BICD1: variants seen among roughly 807,000 people sequenced by gnomAD.
The protein encoded by BICD1 is BICD cargo adaptor 1, also known as protein bicaudal D homolog 1.
Under a neutral mutation model 92.5 loss-of-function variants are expected in BICD1, and 35 were observed. The ratio of observed to expected loss-of-function variants is 0.38; its 90% CI spans 0.29 to 0.50. BICD1 has a LOEUF of 0.50. Among genes scored for constraint, BICD1 ranks in the 20% least tolerant of loss-of-function variants. BICD1 has a pLI of 0.93. For missense variants in BICD1, 950 were observed against 1,189.8 expected, an observed-to-expected ratio of 0.80 and a Z score of 2.97; for synonymous variants, 429 against 465.1, an observed-to-expected ratio of 0.92 and a Z score of 1.00.
intron 4 of BICD1, among the ~76,000 whole-genome samples, chr12:32,316,480 T>C (rs1017649168): frequency 8.6e-5 from 13 of 151,772 alleles, no homozygotes; most frequent in African/African-American, 3.1e-4. Flanking sequence ...TTTTATTTTT[T>C]AGTAGAGACG....
intron 7 of BICD1, 115 bp from the exon 8 acceptor site, chr12:32,338,671 T>A: frequency 7.0e-6 from 6 of 853,354 alleles, no homozygotes; most frequent in South Asian, 1.9e-5. Flanking sequence ...TTGATTTACA[T>A]ATTTAAAAAA....
At chr12:32,178,594 G>A (rs1017541223) in intron 1 of BICD1, among the ~76,000 whole-genome samples, 1 of 151,994 alleles carries the variant, frequency 6.6e-6, no homozygotes, top group South Asian at 2.1e-4. Context: ...GTGATTTACA[G>A]CACTAAGCTC....
chr12:32,193,638 A>G (rs1944637979), intron 1 of BICD1, among the ~76,000 whole-genome samples: 1 of 152,206 alleles, frequency 6.6e-6, no homozygotes. Context: ...GAAACATACA[A>G]CCTACAAAGA....
chr12:32,156,027 T>G (rs1206661715), intron 1 of BICD1, among the ~76,000 whole-genome samples: 6 of 152,118 alleles, frequency 3.9e-5, no homozygotes, highest in Non-Finnish European at 8.8e-5. Context: ...TGGAGTGAGG[T>G]CTTGAAATAG....
chr12:32,157,679 G>C lies in BICD1; in HGVS notation c.213+50135G>C, dbSNP rs73295270. 3.8e-3 allele frequency among the ~76,000 whole-genome samples: 582 copies of C among 152,264 alleles called. 5 individuals are homozygous for C. The highest frequency in any genetic ancestry group is 0.012 in the African/African-American group (513 of 41,558). ...TGCCACCATTCCCTTCATCCTCTCA[G>C]CATGACAGCTGGTTTCCTACTTTTC... is the stretch of plus-strand genomic sequence containing the variant. On this transcript the variant is annotated intron_variant, in intron 1 of 9. Coordinates refer to ENST00000652176, the MANE Select transcript of BICD1 (RefSeq NM_001714.4).
chr12:32,193,972 T>C (rs900015769), intron 1 of BICD1, among the ~76,000 whole-genome samples: 2 of 152,134 alleles, frequency 1.3e-5, no homozygotes, highest in Non-Finnish European at 2.9e-5. Flanking sequence ...GCGAACCTAA[T>C]TCAACAGCAC....
rs80136083 is a variant in BICD1 at position 32,153,244 on chromosome 12, G to A, written c.213+45700G>A. The stretch of plus-strand genomic sequence containing the variant: ...GCATCTATGTTGCTGCAAAGGACAT[G>A]ATTTTGATTTTTTATGGCTGCATAG... On this transcript the variant is annotated intron_variant, in intron 1 of 9. Transcript: ENST00000652176. 9.9e-3 allele frequency among the ~76,000 whole-genome samples: 1,508 copies of A among 152,212 alleles called. 30 individuals are homozygous for A. The highest frequency in any genetic ancestry group is 0.034 in the African/African-American group (1,426 of 41,524).
intron 1 of BICD1, among the ~76,000 whole-genome samples, chr12:32,195,996 A>G (rs35186393): frequency 0.029 from 4,353 of 152,314 alleles, 75 homozygotes; most frequent in Non-Finnish European, 0.04. Context: ...TTGAATGGAC[A>G]TTTTTCCAAA....
intron 9 of BICD1, among the ~76,000 whole-genome samples, chr12:32,371,379 T>C (rs895212194): frequency 3.9e-5 from 6 of 152,198 alleles, no homozygotes; most frequent in South Asian, 2.1e-4. Context: ...AATGGGTCAA[T>C]GTTAATACCT....
chr12:32,284,568 G>A (rs1947512206), intron 2 of BICD1, among the ~76,000 whole-genome samples: 1 of 152,118 alleles, frequency 6.6e-6, no homozygotes, highest in African/African-American at 2.4e-5. Context: ...CATTGGAGCA[G>A]CTGCTTAATT....
chr12:32,326,025 G>A (rs1238726377), intron 4 of BICD1, among the ~76,000 whole-genome samples: 2 of 142,306 alleles, frequency 1.4e-5, no homozygotes, highest in Non-Finnish European at 1.5e-5. Context: ...AGAGCTTGCA[G>A]TGAGCCGAGA....
intron 1 of BICD1, among the ~76,000 whole-genome samples, chr12:32,201,937 C>G (rs1412436710): frequency 6.6e-6 from 1 of 152,170 alleles, no homozygotes; most frequent in Non-Finnish European, 1.5e-5. Flanking sequence ...CATATACTTT[C>G]CGTATGCTGA....
chr12:32,330,189 T>C (rs1937780848), intron 5 of BICD1, among the ~76,000 whole-genome samples: 1 of 152,178 alleles, frequency 6.6e-6, no homozygotes, highest in Non-Finnish European at 1.5e-5. Context: ...CCATAAGCCA[T>C]AATATTGTTT....
intron 1 of BICD1, among the ~76,000 whole-genome samples, chr12:32,111,558 T>C (rs930434801): frequency 7.2e-5 from 11 of 152,196 alleles, no homozygotes; most frequent in African/African-American, 2.7e-4. Flanking sequence ...ACTTAATTGA[T>C]CTATCTGAAC....
chr12:32,195,518 A>G (rs1020049935), intron 1 of BICD1, among the ~76,000 whole-genome samples: 2 of 152,224 alleles, frequency 1.3e-5, no homozygotes, highest in Admixed American at 6.5e-5. Flanking sequence ...TGCCAAGAAT[A>G]CACAATGGGG....
chr12:32,260,050 A>C (rs1592572912), intron 2 of BICD1, among the ~76,000 whole-genome samples: 1 of 150,802 alleles, frequency 6.6e-6, no homozygotes, highest in Non-Finnish European at 1.5e-5. Flanking sequence ...TCAGCCTCCC[A>C]AGTAGCTGGG....
chr12:32,132,766 A>G (rs1293025625), intron 1 of BICD1, among the ~76,000 whole-genome samples: 2 of 152,202 alleles, frequency 1.3e-5, no homozygotes, highest in East Asian at 3.9e-4. Context: ...TCTGGATTTT[A>G]TTTTAAGCCG....
At chr12:32,152,412 C>T (rs1943315618) in intron 1 of BICD1, among the ~76,000 whole-genome samples, 1 of 152,066 alleles carries the variant, frequency 6.6e-6, no homozygotes, top group South Asian at 2.1e-4. Context: ...CCATGCTCAG[C>T]TAATTTTCTT....
chr12:32,234,596 C>CAA lies in BICD1; in HGVS notation c.426+18149_426+18150dup, dbSNP rs758851036. 5.0e-3 allele frequency among the ~76,000 whole-genome samples: 381 copies of CAA among 76,186 alleles called. 7 individuals are homozygous for CAA. Among genetic ancestry groups the CAA allele is most frequent in the African/African-American group, 0.015 (359 of 23,558 alleles). The allele number at this position is 76,186 out of a possible 152,430, so 50.0% of individuals were successfully genotyped here. ...GGGCAACAAGAGCAAAACTCCGTCT[C>CAA]AAAAAAAAAAAAAGAAAGAAAGAAA... On this transcript the variant is annotated intron_variant, in intron 2 of 9. Coordinates refer to ENST00000652176, the MANE Select transcript of BICD1 (RefSeq NM_001714.4).
Sources: gnomAD v4.1 joint callset for allele counts (sites outside exome capture counted in the v4.1 genomes callset) on GRCh38, gnomAD v4.1.1 for gene constraint, MANE v1.5 for transcripts, NCBI Gene and HGNC (gene_info 2026-07-23, HGNC 2026-07-21) for gene names.